Variants in ASTN2 observed in about 807,000 individuals in gnomAD.
ASTN2 encodes astrotactin-2.
In ASTN2, 54 loss-of-function variants were observed where a neutral mutation model predicts 139.8. The ratio of observed to expected loss-of-function variants is 0.39; its 90% CI spans 0.31 to 0.48. ASTN2 has a LOEUF of 0.48. Ranked by LOEUF, ASTN2 falls within the 20% of genes least tolerant of loss-of-function variation. The pLI, the probability that ASTN2 is intolerant of heterozygous loss-of-function variation, is 0.95. For synonymous variants in ASTN2, 756 were observed against 719.5 expected, an observed-to-expected ratio of 1.05 and a Z score of -0.81; for missense variants, 1,565 against 1,725.1, an observed-to-expected ratio of 0.91 and a Z score of 1.64.
At chr9:116,485,831 T>A (rs1849321412) in intron 20 of ASTN2, among the ~76,000 whole-genome samples, 1 of 152,196 alleles carries the variant, frequency 6.6e-6, no homozygotes, top group Non-Finnish European at 1.5e-5. Context: ...CAGCTTTTGG[T>A]GATATTCTTG....
intron 5 of ASTN2, among the ~76,000 whole-genome samples, chr9:117,063,828 G>T (rs1017150448): frequency 7.9e-5 from 12 of 152,152 alleles, no homozygotes; most frequent in Middle Eastern, 3.4e-3. Flanking sequence ...GGGTCCTAAG[G>T]GTTGTAGCAA....
At chr9:117,375,887 A>G (rs1221350066) in intron 1 of ASTN2, among the ~76,000 whole-genome samples, 2 of 151,958 alleles carry the variant, frequency 1.3e-5, no homozygotes, top group African/African-American at 2.4e-5. Flanking sequence ...CAGCTCCTAG[A>G]GTTTCATTCC....
At chr9:116,803,522 A>ATATATATATATTTT (rs1554748694) in intron 13 of ASTN2, among the ~76,000 whole-genome samples, 1 of 21,134 alleles carries the variant, frequency 4.7e-5, no homozygotes, top group African/African-American at 2.2e-4. Flanking sequence ...ATATATATAT[A>ATATATATATATTTT]TTTTTTTTTT....
intron 19 of ASTN2, among the ~76,000 whole-genome samples, chr9:116,609,144 C>T (rs796228911): frequency 7.9e-5 from 12 of 151,558 alleles, no homozygotes; most frequent in South Asian, 4.2e-4. Context: ...AGAAAAATGG[C>T]GGGAGATTTT....
At chr9:116,510,600 C>T (rs1047172418) in intron 19 of ASTN2, among the ~76,000 whole-genome samples, 1 of 152,118 alleles carries the variant, frequency 6.6e-6, no homozygotes, top group African/African-American at 2.4e-5. Context: ...GGCAGTATGG[C>T]CATTTTCATG....
chr9:117,223,504 T>C (rs1356626350), intron 2 of ASTN2, among the ~76,000 whole-genome samples: 2 of 152,064 alleles, frequency 1.3e-5, no homozygotes, highest in African/African-American at 2.4e-5. Flanking sequence ...CTTGTGTCTA[T>C]TGGTGGGGAA....
chr9:117,126,201 T>C (rs1048528545), intron 4 of ASTN2, among the ~76,000 whole-genome samples: 1 of 152,242 alleles, frequency 6.6e-6, no homozygotes. Context: ...GCCTTATTTC[T>C]GTCAAGTTTC....
At chr9:116,794,614 A>G (rs982243820) in intron 13 of ASTN2, among the ~76,000 whole-genome samples, 4 of 152,180 alleles carry the variant, frequency 2.6e-5, no homozygotes, top group African/African-American at 9.7e-5. Context: ...TGTGGCCTTG[A>G]ATGCCATGCT....
intron 10 of ASTN2, among the ~76,000 whole-genome samples, chr9:116,932,632 C>T (rs1361269961): frequency 6.6e-6 from 1 of 152,042 alleles, no homozygotes; most frequent in African/African-American, 2.4e-5. Flanking sequence ...GACGCAGGAA[C>T]AGAAAGCTAC....
At chr9:117,106,805 T>C (rs1014206527) in intron 4 of ASTN2, among the ~76,000 whole-genome samples, 4 of 152,208 alleles carry the variant, frequency 2.6e-5, no homozygotes, top group Non-Finnish European at 5.9e-5. Flanking sequence ...TATCTATCTA[T>C]CTATCTATAT....
intron 2 of ASTN2, among the ~76,000 whole-genome samples, chr9:117,270,119 A>G (rs1328536044): frequency 6.6e-6 from 1 of 152,192 alleles, no homozygotes; most frequent in Non-Finnish European, 1.5e-5. Context: ...AGTTTGAAGG[A>G]GTAAATTTTC....
intron 1 of ASTN2, among the ~76,000 whole-genome samples, chr9:117,399,503 A>G (rs190074507): frequency 5.9e-5 from 9 of 152,348 alleles, no homozygotes; most frequent in Middle Eastern, 3.4e-3. Flanking sequence ...TTTAGACGGC[A>G]CATGAGTGTT....
At chr9:116,714,247 A>G (rs1588233558) in intron 16 of ASTN2, among the ~76,000 whole-genome samples, 1 of 152,162 alleles carries the variant, frequency 6.6e-6, no homozygotes, top group Non-Finnish European at 1.5e-5. Context: ...TCCCACCTCC[A>G]GGTTTAGGAA....
chr9:116,957,049 A>ATTTTTT (rs527429954), intron 10 of ASTN2, among the ~76,000 whole-genome samples: 1 of 141,784 alleles, frequency 7.1e-6, no homozygotes, highest in Non-Finnish European at 1.5e-5. Context: ...TTCCCAGTTA[A>ATTTTTT]TTTTTTTTTT....
At chr9:116,702,699 T>G (rs1827863220) in intron 16 of ASTN2, among the ~76,000 whole-genome samples, 1 of 152,174 alleles carries the variant, frequency 6.6e-6, no homozygotes, top group African/African-American at 2.4e-5. Flanking sequence ...CAAGCCCTTT[T>G]ATAAGGTGTT....
At chr9:117,029,895 A>C (rs1156681010) in intron 6 of ASTN2, among the ~76,000 whole-genome samples, 1 of 152,106 alleles carries the variant, frequency 6.6e-6, no homozygotes, top group South Asian at 2.1e-4. Context: ...TTAAAGCTGC[A>C]AACAGTGAGG....
intron 19 of ASTN2, among the ~76,000 whole-genome samples, chr9:116,511,977 GA>G (rs1850406938): frequency 2.0e-5 from 3 of 151,920 alleles, no homozygotes; most frequent in Non-Finnish European, 4.4e-5. Flanking sequence ...TTGATTTTTT[GA>G]AGGGTTTTTC....
At chr9:116,862,807 TAC>T (rs751612533) in intron 11 of ASTN2, among the ~76,000 whole-genome samples, 156 of 90,900 alleles carry the variant, frequency 1.7e-3, no homozygotes, top group Non-Finnish European at 2.5e-3. Context: ...CACACACAAA[TAC>T]ACACACACAC....
chr9:117,131,944 T>C (rs1431586160), intron 4 of ASTN2, among the ~76,000 whole-genome samples: 1 of 152,164 alleles, frequency 6.6e-6, no homozygotes, highest in Non-Finnish European at 1.5e-5. Flanking sequence ...TCTTTAAATA[T>C]TTTATGGATT....
Sources: allele counts gnomAD v4.1 joint callset (sites outside exome capture counted in the v4.1 genomes callset), GRCh38; gene constraint gnomAD v4.1.1; transcripts MANE v1.5; gene names NCBI Gene and HGNC (gene_info 2026-07-23, HGNC 2026-07-21).